The following PCDHGA10 variants were observed in gnomAD, a reference collection of about 807,000 sequenced individuals.
PCDHGA10 encodes protocadherin gamma subfamily A, 10.
PCDHGA10 carries 42 observed loss-of-function variants against 59.5 expected under a neutral mutation model. The observed-to-expected ratio is 0.71, with a 90% CI of 0.55 to 0.91. PCDHGA10 has a LOEUF of 0.91. PCDHGA10 is among the 40% of genes least tolerant of loss of function. The pLI is 0.00. For synonymous variants in PCDHGA10, 511 were observed against 517.2 expected, an observed-to-expected ratio of 0.99 and a Z score of 0.16; for missense variants, 1,111 against 1,198.2, an observed-to-expected ratio of 0.93 and a Z score of 1.07.
At chr5:141,416,119 T>G (rs930613185) in intron 1 of PCDHGA10, 1 of 155,364 alleles carries the variant, frequency 6.4e-6, no homozygotes, top group Admixed American at 6.5e-5. Flanking sequence ...AACTACATTT[T>G]ATATATTTTT....
At chr5:141,415,749 T>TG in intron 1 of PCDHGA10, 138 bp downstream of exon 1, 2 of 1,214,000 alleles carry the variant, frequency 1.6e-6, no homozygotes, top group Non-Finnish European at 1.1e-6. Context: ...GGTTTTTTTT[T>TG]TTTTTTTTTT....
rs1160642304 is a variant in PCDHGA10 at position 141,415,415 on chromosome 5, T to C, written c.2240T>C (p.Val747Ala). 7 of 1,614,084 alleles carry C rather than the reference T, an allele frequency of 4.3e-6. No individual in the cohort carries two copies. In the Admixed American group the frequency reaches 8.3e-5, roughly 19 times the overall value. Reference sequence around the variant, plus strand: ...GTGTCCGGCTCGCACTTTGTGGGCGTGGACGGGGTTCGGGCTTTCCTGCAG... The same window carrying C: ...GTGTCCGGCTCGCACTTTGTGGGCGCGGACGGGGTTCGGGCTTTCCTGCAG... Reference protein sequence around the residue: ...TGVSGSHFVGVDGVRAFLQTY... With the variant: ...TGVSGSHFVGADGVRAFLQTY... The change falls in exon 1 of 4, where the codon GTG (valine) becomes GCG (alanine). Residue 747 changes from valine (V) to alanine (A), a missense_variant. Val to Ala is a moderately conservative substitution (Grantham distance 64). Coordinates refer to ENST00000398610, the MANE Select transcript of PCDHGA10 (RefSeq NM_018913.3).
At chr5:141,421,512 G>A in intron 1 of PCDHGA10, 1 of 1,614,094 alleles carries the variant, frequency 6.2e-7, no homozygotes, top group Non-Finnish European at 8.5e-7. Flanking sequence ...ACCGGGAGGA[G>A]CTCTGTGAGA....
rs1340147578 is a variant in PCDHGA10, at chr5:141,487,141, T to C, written c.2437-7666T>C. On this transcript the variant is annotated intron_variant, in intron 1 of 3. Transcript: ENST00000398610. This position sits in a 1 kb window ranked among gnomAD's most constrained non-coding sequence, Gnocchi z 5.0. ...AGGATAGTGGTAGTCCACCACTCTCTACCTCTGTTACTCTCTTAGTGTCCT... is the reference window on the plus strand; with the variant it reads ...AGGATAGTGGTAGTCCACCACTCTCCACCTCTGTTACTCTCTTAGTGTCCT... The C allele has an allele frequency of 1.2e-6, 2 of 1,613,882 alleles. No individual in the cohort carries two copies. Among genetic ancestry groups the C allele is most frequent in the African/African-American group, 2.7e-5 (2 of 74,934 alleles).
At chr5:141,453,811 A>G (rs541081089) in intron 1 of PCDHGA10, among the ~76,000 whole-genome samples, 1 of 152,350 alleles carries the variant, frequency 6.6e-6, no homozygotes, top group Admixed American at 6.5e-5. Context: ...AGTTCCATAA[A>G]GGACAAACTT....
intron 2 of PCDHGA10, among the ~76,000 whole-genome samples, chr5:141,502,857 ACT>A (rs1332453483): frequency 7.7e-5 from 7 of 91,446 alleles, no homozygotes; most frequent in African/African-American, 4.1e-4. Flanking sequence ...CCTAACCCTG[ACT>A]CTCTGTCTTT....
intron 1 of PCDHGA10, among the ~76,000 whole-genome samples, chr5:141,462,479 GGTT>G (rs1329069527): frequency 6.6e-6 from 1 of 151,838 alleles, no homozygotes; most frequent in Non-Finnish European, 1.5e-5. Flanking sequence ...TGCTTCTCGT[GGTT>G]GTTGTATCCT....
chr5:141,413,965 C>G lies in PCDHGA10; in HGVS notation c.790C>G (p.Gln264Glu), dbSNP rs2095696868. 2 of 1,613,292 alleles carry G rather than the reference C, an allele frequency of 1.2e-6. No homozygotes were observed. The highest frequency in any genetic ancestry group is 2.2e-5 in the East Asian group (1 of 44,862). Reference sequence around the variant, plus strand: ...TCCTGAGAATTTGCCTGTGGGCACTCAGCTGCTGACAGTCACAGCCACCGA... The same window carrying G: ...TCCTGAGAATTTGCCTGTGGGCACTGAGCTGCTGACAGTCACAGCCACCGA... ...SVPENLPVGT[Q>E]LLTVTATDRD... Residue 264 changes from glutamine to glutamate, a missense_variant, in exon 1 of 4, where the codon CAG (glutamine) becomes GAG (glutamate). Physicochemically the swap from Gln to Glu is conservative, Grantham distance 29. Coordinates refer to ENST00000398610, the MANE Select transcript of PCDHGA10 (RefSeq NM_018913.3).
intron 2 of PCDHGA10, among the ~76,000 whole-genome samples, chr5:141,496,411 CT>C (rs1266082660): frequency 6.6e-6 from 1 of 152,190 alleles, no homozygotes; most frequent in African/African-American, 2.4e-5. Context: ...TGGTTGAGTA[CT>C]TGCTGTCCAC....
chr5:141,422,535 A>T lies in PCDHGA10; in HGVS notation c.2436+6924A>T, dbSNP rs760963618. On this transcript the variant is annotated intron_variant, in intron 1 of 3. Transcript: ENST00000398610. ...AGGGAAGCCCGCCTTTGTCTGCAGA[A>T]ACTCATGTCTGGCTGAATGTGGCAG... 20 of 1,613,826 alleles carry T rather than the reference A, an allele frequency of 1.2e-5. 1 individual carries two copies. Among genetic ancestry groups the T allele is most frequent in the Non-Finnish European group, 8.5e-7 (1 of 1,179,882 alleles).
Position 141,432,405 on chromosome 5 carries a change from GC to G in PCDHGA10, c.2436+16796del. On this transcript the variant is annotated intron_variant, in intron 1 of 3. Coordinates refer to ENST00000398610, the MANE Select transcript of PCDHGA10 (RefSeq NM_018913.3). This position sits in a 1 kb window ranked among gnomAD's most constrained non-coding sequence, Gnocchi z 6.0. ...CCCCTCAGCAGCAACGTGTCGTTGA[GC>G]CTGTTCGTGCTGGACCAGAACGACA... The G allele has an allele frequency of 6.2e-7, 1 of 1,614,246 alleles. No individual in the cohort carries two copies. Among genetic ancestry groups the G allele is most frequent in the South Asian group, 1.1e-5 (1 of 91,084 alleles).
intron 1 of PCDHGA10, chr5:141,492,050 C>T (rs2099736541): frequency 4.0e-6 from 2 of 500,984 alleles, no homozygotes; most frequent in South Asian, 7.5e-5. Context: ...AGATCCACCC[C>T]TGCAGCCAGC....
At position 141,489,157 on chromosome 5, in the gene PCDHGA10, C is replaced by A. The variant is rs1222682069; in HGVS notation, c.2437-5650C>A. 1.0e-6 allele frequency: 1 copy of A among 984,444 alleles called. No homozygotes were observed. The highest frequency in any genetic ancestry group is 1.6e-5 in the African/African-American group (1 of 61,296). The allele number at this position is 984,444 out of a possible 1,614,324, so 61.0% of individuals were successfully genotyped here. On this transcript the variant is annotated intron_variant, in intron 1 of 3. Coordinates refer to ENST00000398610, the MANE Select transcript of PCDHGA10 (RefSeq NM_018913.3). This position sits in a 1 kb window ranked among gnomAD's most constrained non-coding sequence, Gnocchi z 4.5. ...AGAGGCTGGAAGGAGACATAAGAGA[C>A]TTCAGCTGCTGCATTCCAAGCCCTG...
rs1309165721 is a variant in PCDHGA10 at position 141,430,655 on chromosome 5, G to A, written c.2436+15044G>A. On this transcript the variant is annotated intron_variant, in intron 1 of 3. Coordinates refer to ENST00000398610, the MANE Select transcript of PCDHGA10 (RefSeq NM_018913.3). Reference sequence around the variant, plus strand: ...ATCCCTGGGAGTATGTGGAAACAACGGAGGAGCTCTGACTTCCCAACTGTC... The same window carrying A: ...ATCCCTGGGAGTATGTGGAAACAACAGAGGAGCTCTGACTTCCCAACTGTC... 4.6e-6 allele frequency: 5 copies of A among 1,084,938 alleles called. No individual in the cohort carries two copies. In the East Asian group the frequency reaches 7.8e-5, roughly 17 times the overall value. 67.2% of individuals were successfully genotyped at this position (1,084,938 alleles called of 1,614,324 possible).
chr5:141,432,561 A>C lies in PCDHGA10; in HGVS notation c.2436+16950A>C, dbSNP rs746684751. On this transcript the variant is annotated intron_variant, in intron 1 of 3. Transcript: ENST00000398610. This position sits in a 1 kb window ranked among gnomAD's most constrained non-coding sequence, Gnocchi z 6.0. Reference sequence around the variant, plus strand: ...GCGGTGGACAGAGACTCCGGCCAGAACGCCTGGCTGTCCTACCGTCTGCTC... The same window carrying C: ...GCGGTGGACAGAGACTCCGGCCAGACCGCCTGGCTGTCCTACCGTCTGCTC... 37 of 1,613,308 alleles carry C rather than the reference A, an allele frequency of 2.3e-5. 1 individual carries two copies. The highest frequency in any genetic ancestry group is 2.7e-5 in the African/African-American group (2 of 74,712).
rs1345800081 is a variant in PCDHGA10, at chr5:141,485,453, G to A, written c.2437-9354G>A. 1 of 1,614,176 alleles carries A rather than the reference G, an allele frequency of 6.2e-7. No homozygotes were observed. The highest frequency in any genetic ancestry group is 8.5e-7 in the Non-Finnish European group (1 of 1,180,036). On this transcript the variant is annotated intron_variant, in intron 1 of 3. Transcript: ENST00000398610. The surrounding 1 kb of genome is among the most constrained non-coding windows in gnomAD (Gnocchi z 5.7). ...CATCAAGAACCCAATCGACCGAGAG[G>A]CACTGTGTGGGCTCAGTGCCAGCTG...
At chr5:141,442,006 G>T (rs540427406) in intron 1 of PCDHGA10, 2 of 229,074 alleles carry the variant, frequency 8.7e-6, no homozygotes, top group South Asian at 4.9e-5. Flanking sequence ...CTGACAGCTC[G>T]CACGATGGGC....
rs775284049 is a variant in PCDHGA10 at position 141,431,448 on chromosome 5, T to C, written c.2436+15837T>C. On this transcript the variant is annotated intron_variant, in intron 1 of 3. Coordinates refer to ENST00000398610, the MANE Select transcript of PCDHGA10 (RefSeq NM_018913.3). The surrounding 1 kb of genome is among the most constrained non-coding windows in gnomAD (Gnocchi z 4.8). ...CGCACAGGCACCGCGCGCATCCGCG[T>C]GATGGTTCTGGATGCGAACGACAAC... 2.5e-6 allele frequency: 4 copies of C among 1,613,706 alleles called. No individual in the cohort carries two copies. The South Asian group carries it at 4.4e-5, about 18-fold the overall frequency.
chr5:141,437,377 A>G (rs1021305426), intron 1 of PCDHGA10, among the ~76,000 whole-genome samples: 3 of 152,246 alleles, frequency 2.0e-5, no homozygotes, highest in Non-Finnish European at 2.9e-5. Flanking sequence ...AATCAGTCAG[A>G]AGACATTCAT....
Sources: gnomAD v4.1 joint callset for allele counts (sites outside exome capture counted in the v4.1 genomes callset) on GRCh38, gnomAD v4.1.1 for gene constraint, Gnocchi (gnomAD v3.1) non-coding constraint, MANE v1.5 for transcripts, NCBI Gene and HGNC (gene_info 2026-07-23, HGNC 2026-07-21) for gene names.